PIP5K1B: variants seen among roughly 807,000 people sequenced by gnomAD.
PIP5K1B encodes phosphatidylinositol 4-phosphate 5-kinase type-1 beta.
In PIP5K1B, 42 loss-of-function variants were observed where a neutral mutation model predicts 67.0. The observed-to-expected ratio is 0.63, with a 90% CI of 0.49 to 0.81. The LOEUF is 0.81. Among genes scored for constraint, PIP5K1B ranks in the 30% least tolerant of loss-of-function variants. The probability of loss-of-function intolerance (pLI) is 0.00; values close to 1 mark genes in which losing one functional copy is unlikely to be tolerated. For synonymous variants in PIP5K1B, 214 were observed against 231.4 expected (o/e 0.92, Z 0.68); for missense variants, 459 against 646.3 (o/e 0.71, Z 3.14).
In PIP5K1B at chr9:68,719,746, T is replaced by C. The variant is rs77738365; in HGVS notation, c.-243+13984T>C. On this transcript the variant is annotated intron_variant, in intron 1 of 15. Coordinates refer to ENST00000265382, the MANE Select transcript of PIP5K1B (RefSeq NM_003558.4). ...GGAAATTCAGCTTTTAAGATGTCTG[T>C]ACAGTTGGGCTTCATTATTTAGTTT... Among the ~76,000 whole-genome samples the C allele has an allele frequency of 3.6e-3, 552 of 152,366 alleles. 2 individuals carry two copies. Among genetic ancestry groups the C allele is most frequent in the African/African-American group, 0.012 (515 of 41,588 alleles).
chr9:68,731,464 G>A (rs1364586175), intron 1 of PIP5K1B, among the ~76,000 whole-genome samples: 3 of 152,234 alleles, frequency 2.0e-5, no homozygotes, highest in Non-Finnish European at 4.4e-5. Flanking sequence ...CAGGAACTAA[G>A]TAAATGCTAC....
At chr9:68,726,564 G>C (rs948738028) in intron 1 of PIP5K1B, among the ~76,000 whole-genome samples, 1 of 152,182 alleles carries the variant, frequency 6.6e-6, no homozygotes, top group Non-Finnish European at 1.5e-5. Flanking sequence ...ACTAAGCATG[G>C]CAGACTTGGT....
intron 2 of PIP5K1B, among the ~76,000 whole-genome samples, chr9:68,760,571 A>G (rs1414011139): frequency 6.6e-6 from 1 of 152,066 alleles, no homozygotes; most frequent in Non-Finnish European, 1.5e-5. Flanking sequence ...GGGACAGTCC[A>G]TGAGTGAGAG....
At chr9:68,725,302 C>T (rs748738639) in intron 1 of PIP5K1B, among the ~76,000 whole-genome samples, 76 of 152,146 alleles carry the variant, frequency 5.0e-4, no homozygotes, top group Middle Eastern at 3.2e-3. Context: ...CACTTTGGTG[C>T]GCCCTGGTCA....
In PIP5K1B at chr9:68,972,735, T is replaced by G. The variant is rs149801152; in HGVS notation, c.1503-18405T>G. The stretch of plus-strand genomic sequence containing the variant: ...AAATGCTGGTTGTTAAGCCTTTACT[T>G]GTACACAACTCCTTCTGAGCCAGTC... On this transcript the variant is annotated intron_variant, in intron 14 of 15. Coordinates refer to ENST00000265382, the MANE Select transcript of PIP5K1B (RefSeq NM_003558.4). 4.0e-3 allele frequency among the ~76,000 whole-genome samples: 610 copies of G among 152,366 alleles called. 1 individual carries two copies. Among genetic ancestry groups the G allele is most frequent in the Non-Finnish European group, 6.5e-3 (444 of 68,042 alleles).
chr9:68,819,326 T>C (rs1833612768), intron 3 of PIP5K1B, among the ~76,000 whole-genome samples: 1 of 152,138 alleles, frequency 6.6e-6, no homozygotes, highest in South Asian at 2.1e-4. Context: ...CAGGCTGGAG[T>C]GCAGTGGTGC....
intron 1 of PIP5K1B, among the ~76,000 whole-genome samples, chr9:68,729,117 C>T (rs1299552292): frequency 6.6e-6 from 1 of 152,088 alleles, no homozygotes; most frequent in African/African-American, 2.4e-5. Context: ...TCTTTCTTAG[C>T]TCTAAAGTAA....
At chr9:68,900,571 A>T (rs1825308594) in intron 8 of PIP5K1B, among the ~76,000 whole-genome samples, 1 of 152,204 alleles carries the variant, frequency 6.6e-6, no homozygotes, top group South Asian at 2.1e-4. Context: ...TAACTCTGGG[A>T]AATGACTTTG....
intron 2 of PIP5K1B, among the ~76,000 whole-genome samples, chr9:68,770,348 G>A (rs563119441): frequency 1.3e-5 from 2 of 152,246 alleles, no homozygotes; most frequent in South Asian, 4.1e-4. Context: ...TCCTAAGGAG[G>A]GGCATGATTC....
chr9:68,938,046 A>G lies in PIP5K1B; in HGVS notation c.1358-2600A>G, dbSNP rs373440461. ...TGTGATCAATTTTAGAATAAGTGCA[A>G]TGAGGTGCTGAGAAGAATGTATATT... On this transcript the variant is annotated intron_variant, in intron 13 of 15. Coordinates refer to ENST00000265382, the MANE Select transcript of PIP5K1B (RefSeq NM_003558.4). Among the ~76,000 whole-genome samples, 7 of 152,290 alleles carry G rather than the reference A, an allele frequency of 4.6e-5. No individual in the cohort carries two copies. In the East Asian group the frequency reaches 1.4e-3, roughly 29 times the overall value.
chr9:68,849,221 G>A (rs920979693), intron 4 of PIP5K1B, among the ~76,000 whole-genome samples: 2 of 152,282 alleles, frequency 1.3e-5, no homozygotes, highest in African/African-American at 4.8e-5. Context: ...GAACCCTAGT[G>A]TCTATCAATA....
chr9:68,941,180 A>G (rs1450329007), intron 14 of PIP5K1B: 1 of 448,074 alleles, frequency 2.2e-6, no homozygotes, highest in South Asian at 1.6e-5. Flanking sequence ...CTTAGTGACT[A>G]TGGTAAACAG....
intron 14 of PIP5K1B, among the ~76,000 whole-genome samples, chr9:68,964,864 CA>C (rs541479407): frequency 1.7e-4 from 26 of 152,318 alleles, no homozygotes; most frequent in African/African-American, 6.0e-4. Context: ...TGATTGATCA[CA>C]ATAAATACAG....
intron 1 of PIP5K1B, among the ~76,000 whole-genome samples, chr9:68,719,220 T>C (rs954388645): frequency 3.3e-5 from 5 of 152,238 alleles, no homozygotes; most frequent in African/African-American, 9.6e-5. Flanking sequence ...TACTATATTA[T>C]GGTCTAAAGC....
intron 8 of PIP5K1B, among the ~76,000 whole-genome samples, chr9:68,914,305 C>A (rs1733813528): frequency 6.6e-6 from 1 of 152,104 alleles, no homozygotes. Flanking sequence ...ATTCTGGGTG[C>A]CTTTTGGGAA....
chr9:68,889,854 T>G (rs554810357), intron 7 of PIP5K1B, among the ~76,000 whole-genome samples: 7 of 152,330 alleles, frequency 4.6e-5, no homozygotes, highest in African/African-American at 1.7e-4. Flanking sequence ...CAAAGCTCTT[T>G]GCAGCCAGTA....
At chr9:68,955,448 G>C (rs186607345) in intron 14 of PIP5K1B, among the ~76,000 whole-genome samples, 1 of 152,232 alleles carries the variant, frequency 6.6e-6, no homozygotes, top group Non-Finnish European at 1.5e-5. Flanking sequence ...CATTTGTCCC[G>C]TGTGTCATTC....
At chr9:68,953,218 C>T (rs998209442) in intron 14 of PIP5K1B, among the ~76,000 whole-genome samples, 1 of 152,100 alleles carries the variant, frequency 6.6e-6, no homozygotes, top group African/African-American at 2.4e-5. Context: ...ATCTCCTAAT[C>T]CTTCCACTGA....
chr9:68,789,024 A>G (rs1257356545), intron 2 of PIP5K1B: 2 of 405,418 alleles, frequency 4.9e-6, no homozygotes, highest in Admixed American at 3.0e-5. Flanking sequence ...CTGGCATTCC[A>G]ATCAGCTTGA....
Sources: allele counts gnomAD v4.1 joint callset (sites outside exome capture counted in the v4.1 genomes callset), GRCh38; gene constraint gnomAD v4.1.1; transcripts MANE v1.5; gene names NCBI Gene and HGNC (gene_info 2026-07-23, HGNC 2026-07-21).